STPG4: variants seen among roughly 807,000 people sequenced by gnomAD.
The protein encoded by STPG4 is protein STPG4.
Under a neutral mutation model 31.5 loss-of-function variants are expected in STPG4, and 41 were observed. That is an observed-to-expected ratio of 1.30 (90% CI 1.01 to 1.69). The LOEUF (loss-of-function observed/expected upper bound fraction) is 1.69. STPG4 is among the 40% of genes most tolerant of loss of function. STPG4 has a pLI of 0.00. For missense variants in STPG4, 375 were observed against 293.4 expected, an observed-to-expected ratio of 1.28 and a Z score of -2.03; for synonymous variants, 141 against 103.0, an observed-to-expected ratio of 1.37 and a Z score of -2.24.
At chr2:47,119,506 T>C (rs1686223582) in intron 5 of STPG4, among the ~76,000 whole-genome samples, 2 of 152,316 alleles carry the variant, frequency 1.3e-5, no homozygotes, top group Admixed American at 6.5e-5. Flanking sequence ...TCTGTACTAA[T>C]AGTAAACAAA....
intron 5 of STPG4, among the ~76,000 whole-genome samples, chr2:47,124,127 C>T (rs185086379): frequency 6.4e-4 from 98 of 152,134 alleles, no homozygotes; most frequent in African/African-American, 1.7e-3. Context: ...GGATTACAGG[C>T]GCATGCCACC....
Position 47,097,223 on chromosome 2 carries a change from G to C in STPG4, c.520-6849C>G, listed in dbSNP as rs149631747. 4.1e-4 allele frequency among the ~76,000 whole-genome samples: 62 copies of C among 152,238 alleles called. 1 individual carries two copies. The highest frequency in any genetic ancestry group is 1.4e-3 in the African/African-American group (60 of 41,540). ...AAACTCATGAGGAAAATAAACCATA[G>C]AGCAAATCCTTTAATATGAGATATG... is the stretch of plus-strand genomic sequence containing the variant. On this transcript the variant is annotated intron_variant, in intron 5 of 6. Transcript: ENST00000445927.
chr2:47,113,758 G>A (rs1028518803), intron 5 of STPG4, among the ~76,000 whole-genome samples: 7 of 152,156 alleles, frequency 4.6e-5, no homozygotes, highest in African/African-American at 1.7e-4. Context: ...ATTTAGGCCG[G>A]GCGCAGTGGC....
At position 47,087,401 on chromosome 2, in the gene STPG4, G is replaced by A. The variant is rs144832847; in HGVS notation, c.625-271C>T. On this transcript the variant is annotated intron_variant, in intron 6 of 6. Transcript: ENST00000445927. ...CCACCTAGAACCTGCTGGGAGAGGC[G>A]GGGTCACATGCCACCTGCATCTCAA... Among the ~76,000 whole-genome samples, 124 of 152,302 alleles carry A rather than the reference G, an allele frequency of 8.1e-4. 1 individual carries two copies. In the East Asian group the frequency reaches 0.021, roughly 26 times the overall value.
chr2:47,090,243 G>A (rs1477087400), intron 6 of STPG4, 27 bp downstream of exon 6: 2 of 1,481,318 alleles, frequency 1.4e-6, no homozygotes, highest in Admixed American at 2.0e-5. Flanking sequence ...TAGGGGTGGG[G>A]GGCGATCTGT....
In STPG4 at chr2:47,151,291, C is replaced by T; in HGVS notation, c.366G>A (p.Arg122=). 1 of 1,614,136 alleles carries T rather than the reference C, an allele frequency of 6.2e-7. No homozygotes were observed. Among genetic ancestry groups the T allele is most frequent in the East Asian group, 2.2e-5 (1 of 44,876 alleles). ...TGTCAACTAGTGTGCTGGGGCTTGG[C>T]CGTGGTTTGTCTTTGAATGAGTAAG... ...VATYSFKDKP[R]PSPSTLVDKD... Residue 122 remains arginine, a synonymous_variant, in exon 3 of 7, where the codon CGG becomes CGA. Transcript: ENST00000445927.
chr2:47,143,350 T>C (rs1034784884), intron 3 of STPG4, among the ~76,000 whole-genome samples: 2 of 152,230 alleles, frequency 1.3e-5, no homozygotes, highest in Non-Finnish European at 2.9e-5. Flanking sequence ...AGTACTTATA[T>C]AGTTGATCAC....
At chr2:47,124,325 C>A (rs1389766373) in intron 5 of STPG4, among the ~76,000 whole-genome samples, 1 of 152,054 alleles carries the variant, frequency 6.6e-6, no homozygotes, top group Non-Finnish European at 1.5e-5. Context: ...ACTATAATCA[C>A]CTGTTGTGCT....
At chr2:47,103,151 C>T (rs144026397) in intron 5 of STPG4, among the ~76,000 whole-genome samples, 135 of 151,794 alleles carry the variant, frequency 8.9e-4, no homozygotes, top group Non-Finnish European at 1.4e-3. Context: ...GGACTGGAGT[C>T]GTAAACATCT....
chr2:47,142,836 CTTTTTTT>C (rs10686388), intron 3 of STPG4, among the ~76,000 whole-genome samples: 1 of 73,836 alleles, frequency 1.4e-5, no homozygotes, highest in South Asian at 5.9e-4. Flanking sequence ...TTTATCTCAT[CTTTTTTT>C]TTTTTTTTTT....
chr2:47,154,473 A>G (rs1686990851), intron 1 of STPG4, among the ~76,000 whole-genome samples: 1 of 152,256 alleles, frequency 6.6e-6, no homozygotes, highest in Admixed American at 6.5e-5. Context: ...GTTTTGCCCA[A>G]GACAGGTGAT....
chr2:47,089,939 G>T (rs1685535841), intron 6 of STPG4, among the ~76,000 whole-genome samples: 1 of 152,132 alleles, frequency 6.6e-6, no homozygotes, highest in Non-Finnish European at 1.5e-5. Flanking sequence ...TGGCTGGCAG[G>T]AGGCAGCCAC....
chr2:47,090,600 C>T (rs116534503), intron 5 of STPG4, among the ~76,000 whole-genome samples: 1 of 152,120 alleles, frequency 6.6e-6, no homozygotes, highest in Non-Finnish European at 1.5e-5. Context: ...AGTGAAGGAA[C>T]GTTAGGTGAG....
intron 1 of STPG4, among the ~76,000 whole-genome samples, chr2:47,153,334 C>A (rs1686972195): frequency 6.6e-6 from 1 of 152,146 alleles, no homozygotes; most frequent in Admixed American, 6.5e-5. Context: ...GGCTTGAAGC[C>A]AGACCGACTT....
Position 47,130,287 on chromosome 2 carries a change from T to G in STPG4, c.400-27A>C, listed in dbSNP as rs114423758. 6 of 1,588,626 alleles carry G rather than the reference T, an allele frequency of 3.8e-6. 1 individual carries two copies. In the South Asian group the frequency reaches 6.7e-5, roughly 18 times the overall value. On this transcript the variant is annotated intron_variant, in intron 3 of 6. Transcript: ENST00000445927. ...TGCACAGAATGGACAAGGACACCAATAGATTAATAGAGGTTGTAAACTCAC... is the reference window on the plus strand; with the variant it reads ...TGCACAGAATGGACAAGGACACCAAGAGATTAATAGAGGTTGTAAACTCAC...
At chr2:47,131,315 C>A (rs1686479212) in intron 3 of STPG4, among the ~76,000 whole-genome samples, 1 of 152,050 alleles carries the variant, frequency 6.6e-6, no homozygotes, top group Non-Finnish European at 1.5e-5. Flanking sequence ...TTAATAGAGA[C>A]AAACTCTCAC....
chr2:47,090,275 A>G lies in STPG4; in HGVS notation c.619T>C (p.Cys207Arg). The G allele has an allele frequency of 1.3e-6, 2 of 1,550,344 alleles. No individual in the cohort carries two copies. Among genetic ancestry groups the G allele is most frequent in the Non-Finnish European group, 1.7e-6 (2 of 1,145,678 alleles). ...QSRVPRFLPS[C>R]SKTPGPGAYT... ...CTGTCTTTCCGAATACTTACTGAAC[A>G]GCTGGGCAAGAATCGAGGGACTCTG... The change falls in exon 6 of 7, where the codon TGT becomes CGT. Residue 207 changes from cysteine to arginine, a missense_variant. Physicochemically the swap from Cys to Arg is radical, Grantham distance 180. Transcript: ENST00000445927.
At chr2:47,110,470 T>C (rs1573164282) in intron 5 of STPG4, among the ~76,000 whole-genome samples, 1 of 152,338 alleles carries the variant, frequency 6.6e-6, no homozygotes, top group South Asian at 2.1e-4. Context: ...GGCGGGCACC[T>C]GTAATCCCAG....
At chr2:47,094,873 T>C (rs952676127) in intron 5 of STPG4, among the ~76,000 whole-genome samples, 1 of 152,208 alleles carries the variant, frequency 6.6e-6, no homozygotes, top group East Asian at 1.9e-4. Flanking sequence ...TAATGCTGTA[T>C]AACATTACAG....
Sources: gnomAD v4.1 joint callset for allele counts (sites outside exome capture counted in the v4.1 genomes callset) on GRCh38, gnomAD v4.1.1 for gene constraint, MANE v1.5 for transcripts, NCBI Gene and HGNC (gene_info 2026-07-23, HGNC 2026-07-21) for gene names.